Variants in SPATA17 observed in about 807,000 individuals in gnomAD.
SPATA17 encodes the protein spermatogenesis-associated protein 17.
Under a neutral mutation model 62.2 loss-of-function variants are expected in SPATA17, and 53 were observed. The observed-to-expected ratio is 0.85, with a 90% CI of 0.68 to 1.07. The LOEUF (loss-of-function observed/expected upper bound fraction) is 1.07, where lower values mean the gene tolerates loss of function less well. SPATA17 is among the 50% of genes least tolerant of loss of function. The probability of loss-of-function intolerance (pLI) is 0.00; values close to 1 mark genes in which losing one functional copy is unlikely to be tolerated. For missense variants in SPATA17, 466 were observed against 425.5 expected (o/e 1.10, Z -0.84); for synonymous variants, 146 against 146.8 (o/e 0.99, Z 0.04).
At chr1:217,747,460 A>C (rs1330349156) in intron 6 of SPATA17, among the ~76,000 whole-genome samples, 1 of 152,160 alleles carries the variant, frequency 6.6e-6, no homozygotes, top group African/African-American at 2.4e-5. Flanking sequence ...CCTGGAGATT[A>C]GAAAAATTAC....
At chr1:217,700,762 C>CTTTTTTTTTTTTTTT (rs71556698) in intron 5 of SPATA17, among the ~76,000 whole-genome samples, 1 of 134,822 alleles carries the variant, frequency 7.4e-6, no homozygotes, top group Non-Finnish European at 1.6e-5. Context: ...TTTTCTTTTT[C>CTTTTTTTTTTTTTTT]TTTTTTTTTT....
chr1:217,702,229 A>T (rs556711656), intron 5 of SPATA17, among the ~76,000 whole-genome samples: 7 of 152,206 alleles, frequency 4.6e-5, no homozygotes, highest in African/African-American at 1.4e-4. Flanking sequence ...GATTTTGTTT[A>T]TTTAATTGCC....
Position 217,683,363 on chromosome 1 carries a change from T to G in SPATA17, c.395+2T>G. 2 of 1,570,764 alleles carry G rather than the reference T, an allele frequency of 1.3e-6. No homozygotes were observed. Among genetic ancestry groups the G allele is most frequent in the Non-Finnish European group, 1.7e-6 (2 of 1,142,854 alleles). ...TTCAGAGACCAATGATGCAATTAGG[T>G]AAGTAGTGCAATCATCCATTCACTA... On this transcript the variant is annotated splice_donor_variant, in intron 5 of 10. Coordinates refer to ENST00000366933, the MANE Select transcript of SPATA17 (RefSeq NM_138796.4). LOFTEE classifies it high-confidence loss of function.
chr1:217,658,252 A>G (rs1194907257), intron 3 of SPATA17, among the ~76,000 whole-genome samples: 1 of 152,074 alleles, frequency 6.6e-6, no homozygotes, highest in Non-Finnish European at 1.5e-5. Flanking sequence ...TCCCCTCCCC[A>G]CAGTAATGAG....
Position 217,834,512 on chromosome 1 carries a change from A to G in SPATA17, c.1006-28262A>G, listed in dbSNP as rs188620990. Among the ~76,000 whole-genome samples, 4 of 152,230 alleles carry G rather than the reference A, an allele frequency of 2.6e-5. No homozygotes were observed. In the East Asian group the frequency reaches 7.7e-4, roughly 29 times the overall value. On this transcript the variant is annotated intron_variant, in intron 9 of 10. Coordinates refer to ENST00000366933, the MANE Select transcript of SPATA17 (RefSeq NM_138796.4). ...CATGACCCTGTGTAGGCCTAGGCTA[A>G]TGTGTGTATTTATGTCTTATTTTTT...
At chr1:217,656,044 C>G (rs933829360) in intron 3 of SPATA17, among the ~76,000 whole-genome samples, 3 of 151,924 alleles carry the variant, frequency 2.0e-5, no homozygotes, top group African/African-American at 7.3e-5. Flanking sequence ...CCCCCACGCC[C>G]GGCTAGTTTT....
At position 217,801,745 on chromosome 1, in the gene SPATA17, A is replaced by G. The variant is rs2102987722; in HGVS notation, c.900A>G (p.Lys300=). Residue 300 remains lysine, a synonymous_variant, in exon 9 of 11, where the codon AAA becomes AAG. Coordinates refer to ENST00000366933, the MANE Select transcript of SPATA17 (RefSeq NM_138796.4). ...TTTTGCCATTTTCTTCATACCATAA[A>G]AATGAAAAGTACATCCCATCAATGC... ...NMFLPFSSYH[K]NEKYIPSMHL... The G allele has an allele frequency of 6.2e-7, 1 of 1,606,792 alleles. No individual in the cohort carries two copies. The highest frequency in any genetic ancestry group is 8.5e-7 in the Non-Finnish European group (1 of 1,177,666).
intron 10 of SPATA17, among the ~76,000 whole-genome samples, chr1:217,865,343 C>T (rs891106759): frequency 2.6e-5 from 4 of 152,124 alleles, no homozygotes; most frequent in African/African-American, 9.7e-5. Flanking sequence ...ATAGTGATGC[C>T]TTTATCAGAT....
intron 5 of SPATA17, among the ~76,000 whole-genome samples, chr1:217,741,260 T>A (rs1467372954): frequency 6.6e-6 from 1 of 152,182 alleles, no homozygotes; most frequent in Non-Finnish European, 1.5e-5. Flanking sequence ...GTTTAGCAGA[T>A]GTTTTCACAT....
intron 5 of SPATA17, among the ~76,000 whole-genome samples, chr1:217,685,265 AC>A (rs1443678626): frequency 4.6e-5 from 7 of 152,156 alleles, no homozygotes; most frequent in Admixed American, 2.0e-4. Context: ...CAGGGGCCTT[AC>A]TTGCTTCACT....
intron 4 of SPATA17, among the ~76,000 whole-genome samples, chr1:217,673,649 ACTGTATAT>A (rs1001417277): frequency 2.6e-5 from 4 of 152,092 alleles, no homozygotes; most frequent in African/African-American, 7.2e-5. Context: ...TAGATGTACA[ACTGTATAT>A]CTTCTGACAG....
In SPATA17 at chr1:217,871,311, T is replaced by C. The variant is rs1286719234; in HGVS notation, c.*4292T>C. The C allele has an allele frequency of 1.3e-5, 2 of 152,198 alleles. No individual in the cohort carries two copies. Among genetic ancestry groups the C allele is most frequent in the African/African-American group, 4.8e-5 (2 of 41,456 alleles). The allele number at this position is 152,198 out of a possible 1,614,324, so 9.4% of individuals were successfully genotyped here. On this transcript the variant is annotated 3_prime_UTR_variant, in exon 11 of 11. Transcript: ENST00000366933. ...CTTTTTTGCTCTGTTTTTTCACATT[T>C]ATGGCCTACCTGTTACAGCTGCACG...
At chr1:217,760,863 A>T (rs529006321) in intron 6 of SPATA17, among the ~76,000 whole-genome samples, 13 of 152,350 alleles carry the variant, frequency 8.5e-5, no homozygotes, top group Non-Finnish European at 1.6e-4. Flanking sequence ...AAGTGAAAAC[A>T]CTAGGTATCC....
chr1:217,646,751 C>G (rs1294246365), intron 1 of SPATA17, among the ~76,000 whole-genome samples: 1 of 152,000 alleles, frequency 6.6e-6, no homozygotes, highest in East Asian at 1.9e-4. Flanking sequence ...AAAAATTAAC[C>G]AGGCATGGTG....
At chr1:217,677,841 C>A (rs1340850006) in intron 4 of SPATA17, among the ~76,000 whole-genome samples, 13 of 152,060 alleles carry the variant, frequency 8.5e-5, no homozygotes, top group Admixed American at 8.5e-4. Flanking sequence ...TATCCAGAAT[C>A]TTTTGATAAA....
intron 9 of SPATA17, among the ~76,000 whole-genome samples, chr1:217,814,930 T>TGA (rs1471367320): frequency 6.6e-6 from 1 of 152,192 alleles, no homozygotes; most frequent in Non-Finnish European, 1.5e-5. Flanking sequence ...TCATCTAGAA[T>TGA]GAGAGTTAAA....
chr1:217,863,697 A>G (rs190336025), intron 10 of SPATA17, among the ~76,000 whole-genome samples: 73 of 152,324 alleles, frequency 4.8e-4, no homozygotes, highest in Non-Finnish European at 8.2e-4. Context: ...TAAACTCTCA[A>G]TGAATACTGT....
At chr1:217,654,322 T>C (rs1382544491) in intron 3 of SPATA17, among the ~76,000 whole-genome samples, 1 of 151,542 alleles carries the variant, frequency 6.6e-6, no homozygotes, top group Admixed American at 6.6e-5. Flanking sequence ...GTGTTTTTGG[T>C]ATAGACAGGG....
At chr1:217,760,958 G>A (rs1266522378) in intron 6 of SPATA17, among the ~76,000 whole-genome samples, 1 of 152,058 alleles carries the variant, frequency 6.6e-6, no homozygotes, top group African/African-American at 2.4e-5. Flanking sequence ...ATTTTTCTTA[G>A]GGCACACAGT....
Sources: gnomAD v4.1 joint callset for allele counts (sites outside exome capture counted in the v4.1 genomes callset) on GRCh38, gnomAD v4.1.1 for gene constraint, MANE v1.5 for transcripts, NCBI Gene and HGNC (gene_info 2026-07-23, HGNC 2026-07-21) for gene names.